Variants in SYT14 observed in about 807,000 individuals in gnomAD.
SYT14 encodes the protein synaptotagmin 14.
Under a neutral mutation model 74.2 loss-of-function variants are expected in SYT14, and 32 were observed. The observed-to-expected ratio is 0.43, with a 90% confidence interval of 0.33 to 0.58. The LOEUF is 0.58. Ranked by LOEUF, SYT14 falls within the 20% of genes least tolerant of loss-of-function variation. The pLI is 0.05. For synonymous variants in SYT14, 298 were observed against 337.7 expected, an observed-to-expected ratio of 0.88 and a Z score of 1.29; for missense variants, 791 against 981.8, an observed-to-expected ratio of 0.81 and a Z score of 2.60.
At chr1:210,032,717 G>A (rs2080568398) in intron 5 of SYT14, among the ~76,000 whole-genome samples, 2 of 135,906 alleles carry the variant, frequency 1.5e-5, no homozygotes, top group South Asian at 4.6e-4. Flanking sequence ...AATAAATACT[G>A]TAGCAGAAGA....
At chr1:210,077,025 C>T (rs2081513109) in intron 5 of SYT14, among the ~76,000 whole-genome samples, 1 of 152,084 alleles carries the variant, frequency 6.6e-6, no homozygotes, top group African/African-American at 2.4e-5. Flanking sequence ...CTTTTTATTG[C>T]TGTGTTAGGC....
chr1:210,087,259 C>T (rs780187184), intron 5 of SYT14, among the ~76,000 whole-genome samples: 9 of 152,226 alleles, frequency 5.9e-5, no homozygotes, highest in Non-Finnish European at 1.0e-4. Flanking sequence ...GCTGCTTAGG[C>T]TCTAGTATCC....
At chr1:209,957,045 C>T (rs1050591139) in intron 2 of SYT14, among the ~76,000 whole-genome samples, 8 of 152,014 alleles carry the variant, frequency 5.3e-5, no homozygotes, top group African/African-American at 1.9e-4. Flanking sequence ...CCTAACTACC[C>T]TGTTAAGTTA....
intron 2 of SYT14, among the ~76,000 whole-genome samples, chr1:209,990,560 CGTAT>C (rs2079660802): frequency 6.1e-5 from 2 of 33,018 alleles, no homozygotes; most frequent in Non-Finnish European, 1.2e-4. Flanking sequence ...TATATATATA[CGTAT>C]ATATATGTAT....
chr1:210,052,523 T>A (rs1317526537), intron 5 of SYT14, among the ~76,000 whole-genome samples: 1 of 151,250 alleles, frequency 6.6e-6, no homozygotes, highest in African/African-American at 2.4e-5. Flanking sequence ...ATTAGCTGGG[T>A]ATGGTGGCGG....
intron 5 of SYT14, among the ~76,000 whole-genome samples, chr1:210,090,146 G>A (rs2081835413): frequency 6.6e-6 from 1 of 152,180 alleles, no homozygotes; most frequent in Non-Finnish European, 1.5e-5. Context: ...CAGTGCAAAG[G>A]GAGTAGCCTC....
chr1:210,107,921 A>G (rs1347412296), intron 7 of SYT14, among the ~76,000 whole-genome samples: 1 of 151,864 alleles, frequency 6.6e-6, no homozygotes, highest in East Asian at 1.9e-4. Flanking sequence ...TTTTATGATA[A>G]TCATTTGTCA....
chr1:210,110,893 C>T (rs907438741), intron 7 of SYT14, among the ~76,000 whole-genome samples: 5 of 152,202 alleles, frequency 3.3e-5, no homozygotes, highest in Admixed American at 6.5e-5. Flanking sequence ...TACAGGCATG[C>T]GCCACCACAC....
chr1:209,978,895 T>C (rs1185813964), intron 2 of SYT14, among the ~76,000 whole-genome samples: 1 of 152,208 alleles, frequency 6.6e-6, no homozygotes, highest in Non-Finnish European at 1.5e-5. Flanking sequence ...TACTCAAGCC[T>C]GGGCAGTGGC....
intron 5 of SYT14, among the ~76,000 whole-genome samples, chr1:210,087,000 C>T (rs2081747675): frequency 6.6e-6 from 1 of 152,208 alleles, no homozygotes; most frequent in African/African-American, 2.4e-5. Flanking sequence ...CCCCTTCACT[C>T]TGTTTGAGTT....
chr1:210,094,024 G>T (rs2081924116), intron 5 of SYT14, among the ~76,000 whole-genome samples: 1 of 91,896 alleles, frequency 1.1e-5, no homozygotes, highest in African/African-American at 6.2e-5. Context: ...TTTTGAGAGA[G>T]ACAAATAAGC....
chr1:210,135,364 A>T (rs115326722), intron 7 of SYT14, among the ~76,000 whole-genome samples: 1 of 152,108 alleles, frequency 6.6e-6, no homozygotes, highest in East Asian at 1.9e-4. Context: ...GTCCTGTGCA[A>T]TGTCTATGTT....
chr1:210,094,120 A>G (rs555289872), intron 5 of SYT14, among the ~76,000 whole-genome samples: 1 of 152,320 alleles, frequency 6.6e-6, no homozygotes, highest in Non-Finnish European at 1.5e-5. Flanking sequence ...TAATCTTATT[A>G]TGCAGGAGGC....
intron 5 of SYT14, among the ~76,000 whole-genome samples, chr1:210,029,669 A>C (rs951384991): frequency 2.0e-5 from 3 of 152,142 alleles, no homozygotes; most frequent in African/African-American, 7.2e-5. Context: ...GTAGCTTTAT[A>C]GTACATTTTG....
At chr1:209,939,436 G>C (rs1294455445) in intron 1 of SYT14, among the ~76,000 whole-genome samples, 2 of 152,250 alleles carry the variant, frequency 1.3e-5, no homozygotes, top group Non-Finnish European at 2.9e-5. Flanking sequence ...CTCCAAAGTA[G>C]AGTTAGCTGT....
Position 210,081,276 on chromosome 1 carries a change from T to C in SYT14, c.1313-13046T>C, listed in dbSNP as rs1266381107. On this transcript the variant is annotated intron_variant, in intron 5 of 9. Transcript: ENST00000637265. ...TGAAGAACTATAATACTATATGATA[T>C]GAACAAAACATTTTGTCCCTGGAAC... is the stretch of plus-strand genomic sequence containing the variant. Among the ~76,000 whole-genome samples the C allele has an allele frequency of 2.0e-5, 3 of 152,356 alleles. No individual in the cohort carries two copies. The South Asian group carries it at 6.2e-4, about 32-fold the overall frequency.
At chr1:210,051,156 G>A (rs963175095) in intron 5 of SYT14, among the ~76,000 whole-genome samples, 1 of 152,118 alleles carries the variant, frequency 6.6e-6, no homozygotes, top group African/African-American at 2.4e-5. Flanking sequence ...CAAAATTCAT[G>A]TATGTATTAA....
chr1:210,038,707 T>A (rs2080722104), intron 5 of SYT14, among the ~76,000 whole-genome samples: 1 of 152,092 alleles, frequency 6.6e-6, no homozygotes, highest in African/African-American at 2.4e-5. Context: ...AAATTCATGG[T>A]TGACAGTTTT....
At chr1:210,030,078 T>A (rs1317157606) in intron 5 of SYT14, among the ~76,000 whole-genome samples, 1 of 152,078 alleles carries the variant, frequency 6.6e-6, no homozygotes, top group Non-Finnish European at 1.5e-5. Flanking sequence ...ATGCAGCTGG[T>A]TTTTTTAGTG....
Sources: allele counts gnomAD v4.1 joint callset (sites outside exome capture counted in the v4.1 genomes callset), GRCh38; gene constraint gnomAD v4.1.1; transcripts MANE v1.5; gene names NCBI Gene and HGNC (gene_info 2026-07-23, HGNC 2026-07-21).